The following ELK4 variants were observed in gnomAD, a reference collection of about 807,000 sequenced individuals.
The protein encoded by ELK4 is ETS transcription factor ELK4.
ELK4 carries 16 observed loss-of-function variants against 29.6 expected under a neutral mutation model. The ratio of observed to expected loss-of-function variants is 0.54; its 90% CI spans 0.37 to 0.82. ELK4 has a LOEUF of 0.82. Among genes scored for constraint, ELK4 ranks in the 40% least tolerant of loss-of-function variants. ELK4 has a pLI of 0.00. For missense variants in ELK4, 465 were observed against 507.1 expected (o/e 0.92, Z 0.80); for synonymous variants, 213 against 191.1 (o/e 1.11, Z -0.95).
chr1:205,618,029 G>T (rs1571496728), intron 4 of ELK4, among the ~76,000 whole-genome samples: 2 of 151,852 alleles, frequency 1.3e-5, no homozygotes, highest in East Asian at 3.9e-4. Context: ...GTGTGTGTGT[G>T]GATTTTGTTT....
In ELK4 at chr1:205,626,314, G is replaced by C. The variant is rs527750519; in HGVS notation, c.-9-2423C>G. 5.6e-4 allele frequency among the ~76,000 whole-genome samples: 85 copies of C among 152,222 alleles called. 4 individuals carry two copies. The South Asian group carries it at 0.017, about 31-fold the overall frequency. ...CCAGCCTCTCTTAGGAGGGGTAATGGTGGAGTTGGCATCTCGTACCTCTCC... is the reference window on the plus strand; with the variant it reads ...CCAGCCTCTCTTAGGAGGGGTAATGCTGGAGTTGGCATCTCGTACCTCTCC... On this transcript the variant is annotated intron_variant, in intron 1 of 4. Transcript: ENST00000357992.
rs1670130391 is a variant in ELK4 at position 205,610,134 on chromosome 1, T to C, written c.*6412A>G. 1.7e-5 allele frequency: 4 copies of C among 232,148 alleles called. No individual in the cohort carries two copies. Among genetic ancestry groups the C allele is most frequent in the South Asian group, 3.6e-4 (2 of 5,522 alleles). The allele number at this position is 232,148 out of a possible 1,614,324, so 14.4% of individuals were successfully genotyped here. A position where few individuals can be genotyped will look rare whatever the true frequency, so the allele number is the denominator to read the frequency against. ...GGCATTCTTGAATGATTCCATTGGC[T>C]AGAACTCTGGGCCAGCCACAGGAAA... is the stretch of plus-strand genomic sequence containing the variant. On this transcript the variant is annotated 3_prime_UTR_variant, in exon 5 of 5. Transcript: ENST00000357992.
chr1:205,629,176 A>AAAAAAAAAAAAAAAAAAAAAG (rs1670526877), intron 1 of ELK4, among the ~76,000 whole-genome samples: 1 of 151,560 alleles, frequency 6.6e-6, no homozygotes, highest in Admixed American at 6.6e-5. Context: ...GTCTCAAAAA[A>AAAAAAAAAAAAAAAAAAAAAG]AAAAAAAAAA....
In ELK4 at chr1:205,620,611, G is replaced by A; in HGVS notation, c.435C>T (p.Gly145=). Residue 145 remains glycine, a synonymous_variant, in exon 3 of 5, where the codon GGC becomes GGT. Transcript: ENST00000357992. ...TSSRNDYIHS[G]LYSSFTLNSL... is the part of the protein sequence containing the mutation. ...AGTTGAGAGTAAATGAAGAATATAA[G>A]CCAGAGTGTATGTAGTCATTGCGGC... The A allele has an allele frequency of 4.3e-6, 7 of 1,614,130 alleles. No individual in the cohort carries two copies. The highest frequency in any genetic ancestry group is 1.1e-5 in the South Asian group (1 of 91,080).
intron 1 of ELK4, among the ~76,000 whole-genome samples, chr1:205,629,415 A>C (rs1029185509): frequency 6.6e-6 from 1 of 152,160 alleles, no homozygotes; most frequent in Non-Finnish European, 1.5e-5. Flanking sequence ...AATGATCTTC[A>C]ATGATTTCAT....
At chr1:205,626,339 C>G (rs935046688) in intron 1 of ELK4, among the ~76,000 whole-genome samples, 13 of 152,174 alleles carry the variant, frequency 8.5e-5, no homozygotes, top group African/African-American at 3.1e-4. Flanking sequence ...CGTACCTCTC[C>G]TTTCTCCTTT....
rs776011436 is a variant in ELK4 at position 205,620,068 on chromosome 1, T to G, written c.978A>C (p.Glu326Asp). The change falls in exon 3 of 5, where the codon GAA becomes GAC. Residue 326 changes from glutamate (E) to aspartate (D), a missense_variant. By Grantham distance (45) the Glu-to-Asp change is conservative. Around this residue, in one of 2 missense-constraint regions of ELK4, gnomAD observed 385 missense variants for 387.5 expected, o/e 0.99. Transcript: ENST00000357992. ...SSRSKKPKGL[E>D]LAPTLVITSS... ...TCGTGATCACAAGGGTGGGTGCCAGTTCTAACCCTTTGGGTTTCTTGGATC... is the reference window on the plus strand; with the variant it reads ...TCGTGATCACAAGGGTGGGTGCCAGGTCTAACCCTTTGGGTTTCTTGGATC... 6.2e-7 allele frequency: 1 copy of G among 1,614,254 alleles called. No individual in the cohort carries two copies. Among genetic ancestry groups the G allele is most frequent in the Non-Finnish European group, 8.5e-7 (1 of 1,180,046 alleles).
rs1670182647 is a variant in ELK4, at chr1:205,613,321, G to A, written c.*3225C>T. On this transcript the variant is annotated 3_prime_UTR_variant, in exon 5 of 5. Transcript: ENST00000357992. The stretch of plus-strand genomic sequence containing the variant: ...TCCATCTCTAAAAAATTAAATTAAA[G>A]GATTACTGAAAGATCTCATTTCTAA... The A allele has an allele frequency of 5.3e-6, 1 of 188,588 alleles. No homozygotes were observed. Among genetic ancestry groups the A allele is most frequent in the Admixed American group, 6.2e-5 (1 of 16,096 alleles). The allele number at this position is 188,588 out of a possible 1,614,324, so 11.7% of individuals were successfully genotyped here.
rs4951248 is a variant in ELK4 at position 205,631,991 on chromosome 1, T to C, written c.-369A>G. 6.6e-6 allele frequency: 1 copy of C among 151,822 alleles called. No individual in the cohort carries two copies. The highest frequency in any genetic ancestry group is 1.5e-5 in the Non-Finnish European group (1 of 67,926). The allele number at this position is 151,822 out of a possible 1,614,324, so 9.4% of individuals were successfully genotyped here. ...CACTCTCAAACCCCCCGACTGCTCC[T>C]GGGTCCCTCCCAGACGCCGTAGTCG... On this transcript the variant is annotated 5_prime_UTR_variant, in exon 1 of 5. Transcript: ENST00000357992.
chr1:205,616,459 A>G lies in ELK4; in HGVS notation c.*87T>C. ...CACAATAGTCTATTATCAGCATTGT[A>G]GAACTATCAATTGCTCACTTCAAAT... On this transcript the variant is annotated 3_prime_UTR_variant, in exon 5 of 5. Coordinates refer to ENST00000357992, the MANE Select transcript of ELK4 (RefSeq NM_001973.4). The G allele has an allele frequency of 8.3e-7, 1 of 1,199,040 alleles. No individual in the cohort carries two copies. The highest frequency in any genetic ancestry group is 1.2e-6 in the Non-Finnish European group (1 of 818,102). 74.3% of individuals were successfully genotyped at this position (1,199,040 alleles called of 1,614,324 possible). A position where few individuals can be genotyped will look rare whatever the true frequency, so the allele number is the denominator to read the frequency against.
Position 205,609,868 on chromosome 1 carries a change from G to C in ELK4, c.*6678C>G, listed in dbSNP as rs777463716. 7 of 227,130 alleles carry C rather than the reference G, an allele frequency of 3.1e-5. No individual in the cohort carries two copies. Among genetic ancestry groups the C allele is most frequent in the South Asian group, 1.8e-4 (1 of 5,472 alleles). 14.1% of individuals were successfully genotyped at this position (227,130 alleles called of 1,614,324 possible). A position where few individuals can be genotyped will look rare whatever the true frequency, so the allele number is the denominator to read the frequency against. ...AAAAGGGCATACCTTACAGAGCCTA[G>C]AAGAATGGCTCATTAGGTAACCCAT... On this transcript the variant is annotated 3_prime_UTR_variant, in exon 5 of 5. Coordinates refer to ENST00000357992, the MANE Select transcript of ELK4 (RefSeq NM_001973.4).
chr1:205,620,026 T>C lies in ELK4; in HGVS notation c.1020A>G (p.Pro340=). ...TLVITSSDPS[P]LGILSPSLPT... The stretch of plus-strand genomic sequence containing the variant: ...GGAGAGATGGGCTCAGTATTCCCAG[T>C]GGGCTTGGATCACTGCTCGTGATCA... The change falls in exon 3 of 5, where the codon CCA becomes CCG. Residue 340 remains proline, a synonymous_variant. Transcript: ENST00000357992. The C allele has an allele frequency of 1.2e-6, 2 of 1,614,188 alleles. No individual in the cohort carries two copies. The highest frequency in any genetic ancestry group is 8.5e-7 in the Non-Finnish European group (1 of 1,180,026).
rs113979690 is a variant in ELK4 at position 205,630,096 on chromosome 1, CA to C, written c.-10+1535del. 5.7e-3 allele frequency among the ~76,000 whole-genome samples: 794 copies of C among 140,320 alleles called. 3 individuals carry two copies. The highest frequency in any genetic ancestry group is 0.017 in the African/African-American group (667 of 38,692). 92.1% of individuals were successfully genotyped at this position (140,320 alleles called of 152,430 possible). ...AAAACCTTTTATTCTTGTTACCTAT[CA>C]AAAAAAAAAAAGAGGCTAATTACTT... On this transcript the variant is annotated intron_variant, in intron 1 of 4. Coordinates refer to ENST00000357992, the MANE Select transcript of ELK4 (RefSeq NM_001973.4).
chr1:205,623,941 T>C, intron 1 of ELK4, 50 bp from the exon 2 acceptor site: 1 of 1,518,716 alleles, frequency 6.6e-7, no homozygotes, highest in Non-Finnish European at 9.1e-7. Flanking sequence ...CCAACACCTA[T>C]TTAACACTGT....
chr1:205,614,787 T>G lies in ELK4; in HGVS notation c.*1759A>C, dbSNP rs1670204928. ...AGCCTTCAAGTTCTTACTTCTTCAT[T>G]TAGTTCATGTGATTCTACAGGATTA... On this transcript the variant is annotated 3_prime_UTR_variant, in exon 5 of 5. Transcript: ENST00000357992. 4.4e-6 allele frequency: 1 copy of G among 227,674 alleles called. No homozygotes were observed. Among genetic ancestry groups the G allele is most frequent in the Non-Finnish European group, 8.7e-6 (1 of 114,652 alleles). The allele number at this position is 227,674 out of a possible 1,614,324, so 14.1% of individuals were successfully genotyped here.
In ELK4 at chr1:205,613,017, C is replaced by CT. The variant is rs113214027; in HGVS notation, c.*3528dup. On this transcript the variant is annotated 3_prime_UTR_variant, in exon 5 of 5. Transcript: ENST00000357992. ...GTTGACCTTTCAAGGGCCTCTAATT[C>CT]TTTTTTTTTTTTCCTGACCGTACTC... The CT allele has an allele frequency of 0.049, 8,622 of 174,912 alleles. 263 individuals carry two copies. Among genetic ancestry groups the CT allele is most frequent in the African/African-American group, 0.1 (4,107 of 39,992 alleles). The allele number at this position is 174,912 out of a possible 1,614,324, so 10.8% of individuals were successfully genotyped here.
Position 205,608,355 on chromosome 1 carries a change from C to T in ELK4, c.*8191G>A, listed in dbSNP as rs1448752573. 5.2e-6 allele frequency: 1 copy of T among 192,820 alleles called. No individual in the cohort carries two copies. Among genetic ancestry groups the T allele is most frequent in the Admixed American group, 6.1e-5 (1 of 16,270 alleles). The allele number at this position is 192,820 out of a possible 1,614,324, so 11.9% of individuals were successfully genotyped here. A position where few individuals can be genotyped will look rare whatever the true frequency, so the allele number is the denominator to read the frequency against. The stretch of plus-strand genomic sequence containing the variant: ...GCATCCTTTCGCTCACCTCTCTACA[C>T]TCTATAAAGTTTCTCTGCCGTATAC... On this transcript the variant is annotated 3_prime_UTR_variant, in exon 5 of 5. Transcript: ENST00000357992.
At chr1:205,625,038 A>C (rs1045480611) in intron 1 of ELK4, among the ~76,000 whole-genome samples, 1 of 152,230 alleles carries the variant, frequency 6.6e-6, no homozygotes, top group African/African-American at 2.4e-5. Flanking sequence ...ACACAAAAAA[A>C]AACAAAAACA....
chr1:205,608,923 C>G lies in ELK4; in HGVS notation c.*7623G>C, dbSNP rs1670112344. 1 of 192,328 alleles carries G rather than the reference C, an allele frequency of 5.2e-6. No homozygotes were observed. The allele number at this position is 192,328 out of a possible 1,614,324, so 11.9% of individuals were successfully genotyped here. The stretch of plus-strand genomic sequence containing the variant: ...TCCTGTGTTAACACTGATGGAGACG[C>G]ACTGCAATAGTCCCATGGCAGACAT... On this transcript the variant is annotated 3_prime_UTR_variant, in exon 5 of 5. Coordinates refer to ENST00000357992, the MANE Select transcript of ELK4 (RefSeq NM_001973.4).
Sources: gnomAD v4.1 joint callset for allele counts (sites outside exome capture counted in the v4.1 genomes callset) on GRCh38, gnomAD v4.1.1 for gene constraint, gnomAD v4.1.1 regional missense constraint, MANE v1.5 for transcripts, NCBI Gene and HGNC (gene_info 2026-07-23, HGNC 2026-07-21) for gene names.